SKAP1: variants seen among roughly 807,000 people sequenced by gnomAD.
The protein encoded by SKAP1 is src kinase-associated phosphoprotein 1.
Under a neutral mutation model 58.5 loss-of-function variants are expected in SKAP1, and 44 were observed. The observed-to-expected ratio is 0.75, with a 90% CI of 0.59 to 0.97. The LOEUF is 0.97. Among genes scored for constraint, SKAP1 ranks in the 50% least tolerant of loss-of-function variants. SKAP1 has a pLI of 0.00. For missense variants in SKAP1, 390 were observed against 435.2 expected (o/e 0.90, Z 0.92); for synonymous variants, 127 against 149.7 (o/e 0.85, Z 1.11).
chr17:48,311,313 A>G (rs2066221614), intron 4 of SKAP1, among the ~76,000 whole-genome samples: 1 of 152,170 alleles, frequency 6.6e-6, no homozygotes, highest in African/African-American at 2.4e-5. Context: ...TGAACAAAGA[A>G]TGAACTTTGA....
At chr17:48,392,711 T>G (rs1477221093) in intron 2 of SKAP1, among the ~76,000 whole-genome samples, 2 of 151,498 alleles carry the variant, frequency 1.3e-5, no homozygotes, top group Admixed American at 1.3e-4. Context: ...ACAAAAACCT[T>G]TAGCCAGGTG....
intron 1 of SKAP1, among the ~76,000 whole-genome samples, chr17:48,405,395 T>G (rs902547274): frequency 2.6e-5 from 1 of 38,454 alleles, no homozygotes; most frequent in African/African-American, 1.0e-4. Flanking sequence ...TCTCTTTCCT[T>G]TCTTTCTTTC....
chr17:48,410,934 C>CAAAAA (rs61705374), intron 1 of SKAP1, among the ~76,000 whole-genome samples: 8,130 of 65,482 alleles, frequency 0.12, 519 homozygotes, highest in Non-Finnish European at 0.16. Context: ...GACTCCATTT[C>CAAAAA]AAAAAAAAAA....
chr17:48,322,822 G>T (rs911103276), intron 4 of SKAP1, among the ~76,000 whole-genome samples: 1 of 152,242 alleles, frequency 6.6e-6, no homozygotes, highest in Admixed American at 6.5e-5. Flanking sequence ...ATGGCTGGGC[G>T]TGGCGGCTCA....
chr17:48,245,947 C>T (rs1442099093), intron 4 of SKAP1, among the ~76,000 whole-genome samples: 1 of 152,118 alleles, frequency 6.6e-6, no homozygotes, highest in African/African-American at 2.4e-5. Context: ...TGTACTCCAG[C>T]CTGGGTGACA....
chr17:48,317,920 GA>G (rs897494740), intron 4 of SKAP1, among the ~76,000 whole-genome samples: 1 of 151,558 alleles, frequency 6.6e-6, no homozygotes, highest in Non-Finnish European at 1.5e-5. Context: ...GTTAAATCAA[GA>G]AAAAAATGCA....
intron 10 of SKAP1, among the ~76,000 whole-genome samples, chr17:48,168,406 C>T (rs541609224): frequency 7.2e-5 from 11 of 152,304 alleles, no homozygotes; most frequent in African/African-American, 2.6e-4. Context: ...CCTGTAATCC[C>T]AGCACTTTGG....
intron 4 of SKAP1, among the ~76,000 whole-genome samples, chr17:48,258,575 C>T (rs1254300667): frequency 2.0e-5 from 3 of 152,090 alleles, no homozygotes; most frequent in Non-Finnish European, 2.9e-5. Context: ...CTTGCAGTTT[C>T]TCTAGATGAG....
chr17:48,147,600 A>C (rs2063847229), intron 11 of SKAP1, among the ~76,000 whole-genome samples: 1 of 152,156 alleles, frequency 6.6e-6, no homozygotes, highest in South Asian at 2.1e-4. Flanking sequence ...AGTTTTATGA[A>C]GAGATTTTCC....
At chr17:48,213,252 G>A (rs1395931564) in intron 4 of SKAP1, among the ~76,000 whole-genome samples, 3 of 149,372 alleles carry the variant, frequency 2.0e-5, no homozygotes, top group Non-Finnish European at 4.4e-5. Flanking sequence ...TGAGGTAGGA[G>A]AATCGCTTGA....
chr17:48,215,184 T>A lies in SKAP1; in HGVS notation c.281-25684A>T, dbSNP rs183129224. On this transcript the variant is annotated intron_variant, in intron 4 of 12. Transcript: ENST00000336915. ...TTTATATCATAATGAAATAGTCAGCTATAGATCTATATCTAAAATGTGTTT... is the reference window on the plus strand; with the variant it reads ...TTTATATCATAATGAAATAGTCAGCAATAGATCTATATCTAAAATGTGTTT... Among the ~76,000 whole-genome samples, 145 of 152,262 alleles carry A rather than the reference T, an allele frequency of 9.5e-4. 1 individual carries two copies. Among genetic ancestry groups the A allele is most frequent in the African/African-American group, 2.8e-3 (115 of 41,564 alleles).
At chr17:48,205,015 T>TTCTTTG (rs751542564) in intron 4 of SKAP1, among the ~76,000 whole-genome samples, 62 of 55,412 alleles carry the variant, frequency 1.1e-3, no homozygotes, top group South Asian at 2.5e-3. Flanking sequence ...CTTTCTTTCT[T>TTCTTTG]TTTCTTTCTT....
intron 4 of SKAP1, among the ~76,000 whole-genome samples, chr17:48,260,612 A>G (rs2065474308): frequency 6.6e-6 from 1 of 152,184 alleles, no homozygotes; most frequent in African/African-American, 2.4e-5. Context: ...GAAAATGCCC[A>G]AGAATAAACA....
intron 4 of SKAP1, among the ~76,000 whole-genome samples, chr17:48,262,412 G>C (rs1451702751): frequency 6.6e-6 from 1 of 152,012 alleles, no homozygotes; most frequent in Non-Finnish European, 1.5e-5. Context: ...ATGGTTTTTT[G>C]GGGGGGAAGT....
chr17:48,385,354 T>C (rs1320294151), intron 2 of SKAP1, among the ~76,000 whole-genome samples: 1 of 151,806 alleles, frequency 6.6e-6, no homozygotes, highest in Non-Finnish European at 1.5e-5. Context: ...AGACAGTAGC[T>C]AAAGAGGGAA....
chr17:48,184,702 C>T (rs775632544), intron 7 of SKAP1, 21 bp downstream of exon 7: 1 of 1,613,806 alleles, frequency 6.2e-7, no homozygotes, highest in Non-Finnish European at 8.5e-7. Context: ...GAAGGATCAC[C>T]ATCTCCTTGA....
intron 11 of SKAP1, among the ~76,000 whole-genome samples, chr17:48,155,544 CTT>C (rs1037443803): frequency 6.6e-6 from 1 of 152,070 alleles, no homozygotes; most frequent in African/African-American, 2.4e-5. Context: ...CTTCTTACCT[CTT>C]TTTCTCCCAC....
chr17:48,248,636 C>T (rs767193069), intron 4 of SKAP1, among the ~76,000 whole-genome samples: 9 of 152,094 alleles, frequency 5.9e-5, no homozygotes, highest in Middle Eastern at 3.4e-3. Context: ...TAATCCTTGC[C>T]GCCAAGGAGC....
chr17:48,224,035 A>AGAAGG lies in SKAP1; in HGVS notation c.281-34536_281-34535insCCTTC, dbSNP rs1406032187. 2.1e-4 allele frequency among the ~76,000 whole-genome samples: 14 copies of AGAAGG among 65,466 alleles called. No homozygotes were observed. The South Asian group carries it at 8.6e-3, about 40-fold the overall frequency. 42.9% of individuals were successfully genotyped at this position (65,466 alleles called of 152,430 possible). On this transcript the variant is annotated intron_variant, in intron 4 of 12. Transcript: ENST00000336915. Reference sequence around the variant, plus strand: ...CAGAGAGAGAGAGAGAGAGAGAGAGAAGAAGGAGGAGGAGGAGGAGGAGGA... The same window carrying AGAAGG: ...CAGAGAGAGAGAGAGAGAGAGAGAGAGAAGGAGAAGGAGGAGGAGGAGGAGGAGGA...
Sources: gnomAD v4.1 joint callset for allele counts (sites outside exome capture counted in the v4.1 genomes callset) on GRCh38, gnomAD v4.1.1 for gene constraint, MANE v1.5 for transcripts, NCBI Gene and HGNC (gene_info 2026-07-23, HGNC 2026-07-21) for gene names.